ARID2: variants seen among roughly 807,000 people sequenced by gnomAD.
ARID2 encodes the protein AT-rich interactive domain-containing protein 2.
Under a neutral mutation model 184.6 loss-of-function variants are expected in ARID2, and 32 were observed. The ratio of observed to expected loss-of-function variants is 0.17; its 90% CI spans 0.13 to 0.23. The LOEUF (loss-of-function observed/expected upper bound fraction) is 0.23. Among genes scored for constraint, ARID2 ranks in the 10% least tolerant of loss-of-function variants. ARID2 has a pLI of 1.00. For missense variants in ARID2, 1,696 were observed against 2,197.6 expected (o/e 0.77, Z 4.56); for synonymous variants, 836 against 772.6 (o/e 1.08, Z -1.36).
intron 3 of ARID2, chr12:45,776,426 A>G (rs1565591775): frequency 6.6e-6 from 1 of 152,238 alleles, no homozygotes; most frequent in South Asian, 2.1e-4. Flanking sequence ...CTGAACTCAA[A>G]TAGCTCACAT....
intron 3 of ARID2, among the ~76,000 whole-genome samples, chr12:45,765,640 A>G (rs185694187): frequency 3.0e-4 from 45 of 152,022 alleles, no homozygotes; most frequent in Non-Finnish European, 2.6e-4. Context: ...TTCTCTCTTC[A>G]GTAAGCATTA....
At chr12:45,743,109 T>C (rs578163591) in intron 3 of ARID2, among the ~76,000 whole-genome samples, 2 of 152,082 alleles carry the variant, frequency 1.3e-5, no homozygotes, top group East Asian at 3.9e-4. Flanking sequence ...ATCCCAGCAC[T>C]TTGGAAGGCC....
At chr12:45,870,123 C>G (rs1021277443) in intron 16 of ARID2, among the ~76,000 whole-genome samples, 1 of 151,814 alleles carries the variant, frequency 6.6e-6, no homozygotes, top group Non-Finnish European at 1.5e-5. Context: ...GTAGCTGGGA[C>G]TACAGGCGCC....
chr12:45,793,986 T>C (rs1014289153), intron 3 of ARID2, among the ~76,000 whole-genome samples: 1 of 152,302 alleles, frequency 6.6e-6, no homozygotes. Flanking sequence ...TTTTAAAATC[T>C]TGCCTGGGGT....
In ARID2 at chr12:45,888,872, T is replaced by C. The variant is rs571054903; in HGVS notation, c.4923-2908T>C. Among the ~76,000 whole-genome samples the C allele has an allele frequency of 2.0e-5, 3 of 152,250 alleles. No individual in the cohort carries two copies. In the East Asian group the frequency reaches 5.8e-4, roughly 29 times the overall value. ...TTTCAGCACAAGGCAATAAAGTATC[T>C]TAAGGAAGAGTATTATTTTAATTTG... On this transcript the variant is annotated intron_variant, in intron 16 of 20. Coordinates refer to ENST00000334344, the MANE Select transcript of ARID2 (RefSeq NM_152641.4).
intron 16 of ARID2, among the ~76,000 whole-genome samples, chr12:45,866,620 G>T (rs1160918132): frequency 6.6e-6 from 1 of 152,106 alleles, no homozygotes; most frequent in Non-Finnish European, 1.5e-5. Flanking sequence ...AAACTGAGGG[G>T]AAATTTCTTT....
intron 16 of ARID2, among the ~76,000 whole-genome samples, chr12:45,861,802 C>T (rs1387691975): frequency 6.6e-6 from 1 of 151,822 alleles, no homozygotes; most frequent in Admixed American, 6.6e-5. Flanking sequence ...GAACTCCTGA[C>T]CTCCAGTGAT....
At chr12:45,759,776 G>C (rs1185200881) in intron 3 of ARID2, among the ~76,000 whole-genome samples, 2 of 152,092 alleles carry the variant, frequency 1.3e-5, no homozygotes, top group African/African-American at 2.4e-5. Context: ...TTCCCAGGCT[G>C]GTCTCAATCT....
chr12:45,895,961 G>T (rs1944363377), intron 20 of ARID2, among the ~76,000 whole-genome samples: 1 of 152,136 alleles, frequency 6.6e-6, no homozygotes, highest in Non-Finnish European at 1.5e-5. Context: ...TAAACAACTG[G>T]AAAGATTTCT....
chr12:45,787,449 G>C (rs1314004234), intron 3 of ARID2, among the ~76,000 whole-genome samples: 2 of 151,640 alleles, frequency 1.3e-5, no homozygotes, highest in African/African-American at 4.8e-5. Context: ...TGCCCAGGCT[G>C]GTCTCGAACT....
intron 20 of ARID2, among the ~76,000 whole-genome samples, chr12:45,901,871 TCTCA>T (rs1944464830): frequency 6.6e-6 from 1 of 152,002 alleles, no homozygotes; most frequent in South Asian, 2.1e-4. Context: ...GGGGAGGGTG[TCTCA>T]CTATATTGCC....
chr12:45,803,110 A>G (rs915309450), intron 3 of ARID2, among the ~76,000 whole-genome samples: 1 of 152,196 alleles, frequency 6.6e-6, no homozygotes, highest in Non-Finnish European at 1.5e-5. Context: ...TTATGAGAAC[A>G]TATCTTCCAT....
At chr12:45,867,569 C>T (rs1448281872) in intron 16 of ARID2, among the ~76,000 whole-genome samples, 2 of 151,444 alleles carry the variant, frequency 1.3e-5, no homozygotes, top group East Asian at 2.0e-4. Context: ...AGTGAAACCC[C>T]GTCTCTACTA....
At chr12:45,799,977 G>C (rs1942465119) in intron 3 of ARID2, among the ~76,000 whole-genome samples, 1 of 152,002 alleles carries the variant, frequency 6.6e-6, no homozygotes, top group Non-Finnish European at 1.5e-5. Context: ...AGCCCTCCGA[G>C]TAGCTGGGAC....
chr12:45,823,419 C>A (rs1168894699), intron 6 of ARID2, among the ~76,000 whole-genome samples: 1 of 151,936 alleles, frequency 6.6e-6, no homozygotes, highest in Non-Finnish European at 1.5e-5. Context: ...AAACCAAACC[C>A]AAAATTAGTA....
chr12:45,856,108 T>C (rs1188206961), intron 15 of ARID2, among the ~76,000 whole-genome samples: 1 of 135,632 alleles, frequency 7.4e-6, no homozygotes, highest in East Asian at 2.3e-4. Flanking sequence ...ACAGTCTCGC[T>C]CTGTTGCGTA....
At chr12:45,795,771 T>C (rs1942382412) in intron 3 of ARID2, among the ~76,000 whole-genome samples, 1 of 151,980 alleles carries the variant, frequency 6.6e-6, no homozygotes. Context: ...TCTTGTTTGT[T>C]CTTCTCTTCT....
chr12:45,891,964 T>TTA (rs768194098), intron 17 of ARID2, 46 bp downstream of exon 17: 6 of 1,613,944 alleles, frequency 3.7e-6, no homozygotes, highest in Non-Finnish European at 4.2e-6. Flanking sequence ...TTTGACTGCA[T>TTA]TAAAGATTTT....
At position 45,787,218 on chromosome 12, in the gene ARID2, CT is replaced by C. The variant is rs1273672108; in HGVS notation, c.285-24184del. Among the ~76,000 whole-genome samples, 449 of 136,618 alleles carry C rather than the reference CT, an allele frequency of 3.3e-3. 1 individual carries two copies. Among genetic ancestry groups the C allele is most frequent in the Middle Eastern group, 3.9e-3 (1 of 258 alleles). 89.6% of individuals were successfully genotyped at this position (136,618 alleles called of 152,430 possible). Reference sequence around the variant, plus strand: ...TCCACAATGTATACCTATTTCTTTTCTTTTTTTTTTTTTTTTAAAGACAGGG... The same window carrying C: ...TCCACAATGTATACCTATTTCTTTTCTTTTTTTTTTTTTTTAAAGACAGGG... On this transcript the variant is annotated intron_variant, in intron 3 of 20. Coordinates refer to ENST00000334344, the MANE Select transcript of ARID2 (RefSeq NM_152641.4).
Sources: gnomAD v4.1 joint callset for allele counts (sites outside exome capture counted in the v4.1 genomes callset) on GRCh38, gnomAD v4.1.1 for gene constraint, MANE v1.5 for transcripts, NCBI Gene and HGNC (gene_info 2026-07-23, HGNC 2026-07-21) for gene names.